GPATCH2: variants seen among roughly 807,000 people sequenced by gnomAD.
GPATCH2 encodes the protein G-patch domain containing 2.
In GPATCH2, 51 loss-of-function variants were observed where a neutral mutation model predicts 58.0. The observed-to-expected ratio is 0.88, with a 90% CI of 0.70 to 1.11. The LOEUF (loss-of-function observed/expected upper bound fraction) is 1.11, where lower values mean the gene tolerates loss of function less well. GPATCH2 is among the 50% of genes most tolerant of loss of function. GPATCH2 has a pLI of 0.00. For missense variants in GPATCH2, 625 were observed against 652.2 expected, an observed-to-expected ratio of 0.96 and a Z score of 0.45; for synonymous variants, 222 against 218.5, an observed-to-expected ratio of 1.02 and a Z score of -0.14.
At chr1:217,449,360 A>T in intron 8 of GPATCH2, 23 bp from the exon 9 acceptor site, 1 of 1,382,762 alleles carries the variant, frequency 7.2e-7, no homozygotes, top group Non-Finnish European at 1.0e-6. Context: ...ATCAGAAAAA[A>T]CTATTAACAA....
intron 1 of GPATCH2, among the ~76,000 whole-genome samples, chr1:217,625,836 T>C (rs1177028225): frequency 6.6e-6 from 1 of 151,936 alleles, no homozygotes; most frequent in Non-Finnish European, 1.5e-5. Context: ...ATACAAAAAT[T>C]AGCTGGCCGT....
intron 5 of GPATCH2, among the ~76,000 whole-genome samples, chr1:217,583,048 T>TA (rs1191777585): frequency 5.3e-5 from 8 of 152,170 alleles, no homozygotes; most frequent in Admixed American, 4.6e-4. Flanking sequence ...CAAAGACTAC[T>TA]AGCACTTCAT....
chr1:217,574,699 G>C (rs1437105976), intron 5 of GPATCH2, among the ~76,000 whole-genome samples: 1 of 152,014 alleles, frequency 6.6e-6, no homozygotes, highest in African/African-American at 2.4e-5. Context: ...TCCAGGTAAA[G>C]ATTACTATTC....
At chr1:217,538,832 C>T (rs1382329435) in intron 5 of GPATCH2, among the ~76,000 whole-genome samples, 3 of 152,152 alleles carry the variant, frequency 2.0e-5, no homozygotes, top group Non-Finnish European at 2.9e-5. Context: ...GTGTTGGGTC[C>T]TAATTTTTCA....
intron 8 of GPATCH2, among the ~76,000 whole-genome samples, 169 bp from the exon 9 acceptor site, chr1:217,449,506 C>T (rs536761179): frequency 2.6e-5 from 4 of 152,142 alleles, no homozygotes; most frequent in Admixed American, 6.6e-5. Context: ...TGTTGACAAG[C>T]GTTCAGCAGC....
chr1:217,620,991 T>C (rs1669162220), intron 1 of GPATCH2, among the ~76,000 whole-genome samples: 1 of 152,152 alleles, frequency 6.6e-6, no homozygotes, highest in African/African-American at 2.4e-5. Context: ...AGACAGGTAG[T>C]TTCAGGATTA....
chr1:217,538,808 C>T (rs1571883207), intron 5 of GPATCH2, among the ~76,000 whole-genome samples: 1 of 152,162 alleles, frequency 6.6e-6, no homozygotes, highest in Non-Finnish European at 1.5e-5. Context: ...TGTCCATCAT[C>T]GTCACACTTA....
At chr1:217,559,192 G>A (rs1467411910) in intron 5 of GPATCH2, among the ~76,000 whole-genome samples, 1 of 152,212 alleles carries the variant, frequency 6.6e-6, no homozygotes, top group Admixed American at 6.5e-5. Flanking sequence ...GAAGAGGTTA[G>A]ATGGCATGTG....
intron 3 of GPATCH2, among the ~76,000 whole-genome samples, chr1:217,613,720 A>T (rs1403162070): frequency 1.3e-5 from 2 of 152,158 alleles, no homozygotes; most frequent in Non-Finnish European, 2.9e-5. Flanking sequence ...TACAAACTGG[A>T]TAGAATGAAT....
In GPATCH2 at chr1:217,609,056, C is replaced by T. The variant is rs534919004; in HGVS notation, c.1098+1265G>A. 6.9e-4 allele frequency: 542 copies of T among 788,896 alleles called. 1 individual carries two copies. Among genetic ancestry groups the T allele is most frequent in the Non-Finnish European group, 8.1e-4 (525 of 650,474 alleles). The allele number at this position is 788,896 out of a possible 1,614,324, so 48.9% of individuals were successfully genotyped here. A position where few individuals can be genotyped will look rare whatever the true frequency, so the allele number is the denominator to read the frequency against. ...ATGCTGAATTAACAATTAATCCATA[C>T]AATAATATAAAAATACACATATTAA... is the stretch of plus-strand genomic sequence containing the variant. On this transcript the variant is annotated intron_variant, in intron 5 of 9. Coordinates refer to ENST00000366935, the MANE Select transcript of GPATCH2 (RefSeq NM_018040.5).
intron 8 of GPATCH2, among the ~76,000 whole-genome samples, chr1:217,487,823 A>G (rs1661525817): frequency 6.6e-6 from 1 of 152,080 alleles, no homozygotes. Flanking sequence ...GCTCACTGCA[A>G]TCTCCGACTC....
chr1:217,560,941 G>A (rs1019430906), intron 5 of GPATCH2, among the ~76,000 whole-genome samples: 2 of 152,314 alleles, frequency 1.3e-5, no homozygotes, highest in South Asian at 4.1e-4. Flanking sequence ...ATAGACAGTG[G>A]TAAGTGTTAT....
At chr1:217,559,312 C>T (rs1425913711) in intron 5 of GPATCH2, among the ~76,000 whole-genome samples, 6 of 151,416 alleles carry the variant, frequency 4.0e-5, no homozygotes, top group Admixed American at 3.3e-4. Flanking sequence ...AAAGCATAAA[C>T]ATATCACCCC....
intron 5 of GPATCH2, among the ~76,000 whole-genome samples, chr1:217,547,285 C>G (rs1174128825): frequency 6.6e-6 from 1 of 152,056 alleles, no homozygotes; most frequent in East Asian, 1.9e-4. Flanking sequence ...ATTGTTTGAA[C>G]CTGGGAGGCA....
Position 217,431,139 on chromosome 1 carries a change from C to G in GPATCH2, c.*6G>C, listed in dbSNP as rs775996983. ...AAGTCTGTAAAACATTTCTTCTTTGCTTTTCTTAGGCGGATTTTCCTGCAT... is the reference window on the plus strand; with the variant it reads ...AAGTCTGTAAAACATTTCTTCTTTGGTTTTCTTAGGCGGATTTTCCTGCAT... On this transcript the variant is annotated 3_prime_UTR_variant, in exon 10 of 10. Coordinates refer to ENST00000366935, the MANE Select transcript of GPATCH2 (RefSeq NM_018040.5). 1 of 1,321,938 alleles carries G rather than the reference C, an allele frequency of 7.6e-7. No individual in the cohort carries two copies. The allele number at this position is 1,321,938 out of a possible 1,614,324, so 81.9% of individuals were successfully genotyped here.
intron 9 of GPATCH2, among the ~76,000 whole-genome samples, chr1:217,443,780 G>C (rs2102543125): frequency 6.6e-6 from 1 of 152,134 alleles, no homozygotes; most frequent in African/African-American, 2.4e-5. Context: ...TGTCTTTTCA[G>C]CTGTATCTAA....
At chr1:217,533,178 G>T (rs146867742) in intron 5 of GPATCH2, among the ~76,000 whole-genome samples, 3,983 of 151,828 alleles carry the variant, frequency 0.026, 78 homozygotes, top group East Asian at 0.076. Flanking sequence ...CACAGTGCTG[G>T]AATTACAGGC....
At chr1:217,588,061 A>G (rs1189524593) in intron 5 of GPATCH2, among the ~76,000 whole-genome samples, 1 of 152,170 alleles carries the variant, frequency 6.6e-6, no homozygotes, top group Non-Finnish European at 1.5e-5. Context: ...TAATGGTATT[A>G]GTGTATATGG....
At chr1:217,524,243 T>G (rs375678876) in intron 5 of GPATCH2, among the ~76,000 whole-genome samples, 16 of 55,788 alleles carry the variant, frequency 2.9e-4, no homozygotes, top group Non-Finnish European at 4.4e-4. Context: ...AGGCAGAGGG[T>G]CTCCTCACTT....
Sources: allele counts gnomAD v4.1 joint callset (sites outside exome capture counted in the v4.1 genomes callset), GRCh38; gene constraint gnomAD v4.1.1; transcripts MANE v1.5; gene names NCBI Gene and HGNC (gene_info 2026-07-23, HGNC 2026-07-21).